The following KLHL1 variants were observed in gnomAD, a reference collection of about 807,000 sequenced individuals.
The protein encoded by KLHL1 is kelch like family member 1.
In KLHL1, 47 loss-of-function variants were observed where a neutral mutation model predicts 77.7. The observed-to-expected ratio is 0.60, with a 90% CI of 0.48 to 0.77. The LOEUF (loss-of-function observed/expected upper bound fraction) is 0.77, where lower values mean the gene tolerates loss of function less well. KLHL1 is among the 30% of genes least tolerant of loss of function. The probability of loss-of-function intolerance (pLI) is 0.00; values close to 1 mark genes in which losing one functional copy is unlikely to be tolerated. For missense variants in KLHL1, 925 were observed against 910.8 expected, an observed-to-expected ratio of 1.02 and a Z score of -0.20; for synonymous variants, 360 against 325.2, an observed-to-expected ratio of 1.11 and a Z score of -1.15.
At chr13:69,928,802 G>A (rs942420223) in intron 4 of KLHL1, among the ~76,000 whole-genome samples, 1 of 152,052 alleles carries the variant, frequency 6.6e-6, no homozygotes, top group Non-Finnish European at 1.5e-5. Flanking sequence ...GTATCTTGGC[G>A]AGGTGATTGA....
At chr13:69,733,376 G>C (rs960626390) in intron 8 of KLHL1, among the ~76,000 whole-genome samples, 3 of 152,058 alleles carry the variant, frequency 2.0e-5, no homozygotes, top group African/African-American at 7.2e-5. Context: ...AGAAGACACA[G>C]GAAAGTCCCT....
At chr13:70,064,198 A>C (rs1383494112) in intron 1 of KLHL1, among the ~76,000 whole-genome samples, 1 of 152,156 alleles carries the variant, frequency 6.6e-6, no homozygotes, top group East Asian at 1.9e-4. Context: ...AAGAACAAAA[A>C]CAAAAAAACC....
chr13:69,919,759 C>T (rs1313537855), intron 4 of KLHL1, among the ~76,000 whole-genome samples: 1 of 152,238 alleles, frequency 6.6e-6, no homozygotes, highest in East Asian at 1.9e-4. Flanking sequence ...CTGTTCTATA[C>T]TTGGCCCTGT....
At chr13:69,712,278 C>A (rs1297601609) in intron 9 of KLHL1, among the ~76,000 whole-genome samples, 1 of 150,052 alleles carries the variant, frequency 6.7e-6, no homozygotes, top group African/African-American at 2.5e-5. Context: ...TTTTTTAAGG[C>A]GATCTCCTGT....
intron 1 of KLHL1, among the ~76,000 whole-genome samples, chr13:70,016,027 T>C (rs556857336): frequency 6.6e-6 from 1 of 152,360 alleles, no homozygotes; most frequent in African/African-American, 2.4e-5. Context: ...TTAAAGGTTT[T>C]ATAGCACATT....
At chr13:69,785,597 A>AG in intron 7 of KLHL1, among the ~76,000 whole-genome samples, 1 of 123,392 alleles carries the variant, frequency 8.1e-6, no homozygotes, top group African/African-American at 3.2e-5. Flanking sequence ...ACAATTAAAA[A>AG]CTAGAAAAGC....
intron 6 of KLHL1, among the ~76,000 whole-genome samples, chr13:69,815,157 G>C (rs1008685818): frequency 6.6e-6 from 1 of 152,120 alleles, no homozygotes; most frequent in Non-Finnish European, 1.5e-5. Context: ...ATTTCTCAAA[G>C]AACTAAAAAC....
intron 7 of KLHL1, among the ~76,000 whole-genome samples, chr13:69,767,181 C>T (rs1593810041): frequency 6.6e-6 from 1 of 151,970 alleles, no homozygotes; most frequent in East Asian, 1.9e-4. Context: ...GATATATTAG[C>T]GTGACTTTTT....
intron 7 of KLHL1, among the ~76,000 whole-genome samples, chr13:69,764,968 TTG>T (rs1875217606): frequency 9.1e-6 from 1 of 109,848 alleles, no homozygotes; most frequent in Non-Finnish European, 1.8e-5. Context: ...TTTTTTTTTT[TTG>T]AGACCAAGTC....
At chr13:69,825,733 A>G (rs978940942) in intron 6 of KLHL1, among the ~76,000 whole-genome samples, 2 of 152,164 alleles carry the variant, frequency 1.3e-5, no homozygotes, top group African/African-American at 4.8e-5. Context: ...CTGAGGTGAT[A>G]AAGTTTCAAC....
chr13:69,712,082 C>T (rs966624299), intron 9 of KLHL1, among the ~76,000 whole-genome samples: 1 of 151,962 alleles, frequency 6.6e-6, no homozygotes, highest in Admixed American at 6.6e-5. Flanking sequence ...AAAATGATAT[C>T]TAGAATTTGC....
At chr13:69,873,887 C>A (rs769708837) in intron 5 of KLHL1, among the ~76,000 whole-genome samples, 2 of 152,046 alleles carry the variant, frequency 1.3e-5, no homozygotes, top group Admixed American at 6.6e-5. Context: ...ATCTGTATTT[C>A]TCAAAAATAT....
At chr13:70,079,850 A>G (rs755869199) in intron 1 of KLHL1, among the ~76,000 whole-genome samples, 2 of 152,196 alleles carry the variant, frequency 1.3e-5, no homozygotes, top group Non-Finnish European at 2.9e-5. Context: ...CTGAGCTTTA[A>G]GTCCATACCT....
chr13:69,815,914 C>T (rs1397975359), intron 6 of KLHL1, among the ~76,000 whole-genome samples: 1 of 151,392 alleles, frequency 6.6e-6, no homozygotes, highest in Non-Finnish European at 1.5e-5. Context: ...AAATAAAAAA[C>T]TGAAAGATAA....
chr13:69,908,274 C>A (rs540464227), intron 4 of KLHL1, among the ~76,000 whole-genome samples: 85 of 151,156 alleles, frequency 5.6e-4, no homozygotes, highest in African/African-American at 1.9e-3. Context: ...GAGAGAGTAG[C>A]CGAGGAAAAA....
intron 1 of KLHL1, among the ~76,000 whole-genome samples, chr13:70,032,481 A>C (rs1179153434): frequency 6.6e-6 from 1 of 152,204 alleles, no homozygotes; most frequent in Non-Finnish European, 1.5e-5. Flanking sequence ...CATAAAAAAG[A>C]AACAAGTATA....
intron 7 of KLHL1, among the ~76,000 whole-genome samples, chr13:69,756,206 A>C (rs1874726917): frequency 6.6e-6 from 1 of 152,132 alleles, no homozygotes; most frequent in Admixed American, 6.6e-5. Flanking sequence ...AGACCATAAT[A>C]TCTACATATG....
chr13:69,787,890 A>T, intron 7 of KLHL1, among the ~76,000 whole-genome samples: 1 of 152,258 alleles, frequency 6.6e-6, no homozygotes, highest in East Asian at 1.9e-4. Context: ...TATGCAGCCA[A>T]AAAACACATG....
chr13:70,057,469 CAAAAAAAAAAA>C (rs56235725), intron 1 of KLHL1, among the ~76,000 whole-genome samples: 1 of 87,110 alleles, frequency 1.1e-5, no homozygotes, highest in Non-Finnish European at 2.2e-5. Flanking sequence ...AAAGACACAT[CAAAAAAAAAAA>C]AAAAAAAAAA....
Sources: gnomAD v4.1 joint callset for allele counts (sites outside exome capture counted in the v4.1 genomes callset) on GRCh38, gnomAD v4.1.1 for gene constraint, MANE v1.5 for transcripts, NCBI Gene and HGNC (gene_info 2026-07-23, HGNC 2026-07-21) for gene names.